The following ACYP2 variants were observed in gnomAD, a reference collection of about 807,000 sequenced individuals.
The protein encoded by ACYP2 is acylphosphatase 2.
In ACYP2, 12 loss-of-function variants were observed where a neutral mutation model predicts 11.2. That is an observed-to-expected ratio of 1.08 (90% CI 0.69 to 1.74). The LOEUF (loss-of-function observed/expected upper bound fraction) is 1.74, where lower values mean the gene tolerates loss of function less well. Ranked by LOEUF, ACYP2 falls within the 40% of genes most tolerant of loss-of-function variation. The pLI is 0.00. For missense variants in ACYP2, 134 were observed against 101.9 expected, an observed-to-expected ratio of 1.31 and a Z score of -1.35; for synonymous variants, 43 against 32.2, an observed-to-expected ratio of 1.33 and a Z score of -1.13.
intron 2 of ACYP2, among the ~76,000 whole-genome samples, chr2:54,021,244 A>C (rs1201185506): frequency 6.6e-6 from 1 of 152,224 alleles, no homozygotes; most frequent in African/African-American, 2.4e-5. Context: ...AGAGCAGCTG[A>C]CCATGGGTGA....
intron 2 of ACYP2, among the ~76,000 whole-genome samples, chr2:54,032,854 C>T (rs891022076): frequency 7.2e-5 from 11 of 152,048 alleles, no homozygotes; most frequent in African/African-American, 2.7e-4. Context: ...ATTCCATGCT[C>T]GTGGATAAAA....
At chr2:54,004,711 G>C (rs1399339906) in intron 2 of ACYP2, among the ~76,000 whole-genome samples, 2 of 151,822 alleles carry the variant, frequency 1.3e-5, no homozygotes, top group Non-Finnish European at 2.9e-5. Flanking sequence ...CGCTCAGCCA[G>C]TTTACCCATT....
At chr2:54,001,194 G>GA (rs565869884) in intron 2 of ACYP2, among the ~76,000 whole-genome samples, 277 of 152,126 alleles carry the variant, frequency 1.8e-3, no homozygotes, top group African/African-American at 6.1e-3. Context: ...TGTCTCTCCA[G>GA]AAAATTTAAG....
chr2:53,999,529 GC>G (rs1344076450), intron 2 of ACYP2, among the ~76,000 whole-genome samples: 1 of 152,138 alleles, frequency 6.6e-6, no homozygotes, highest in African/African-American at 2.4e-5. Context: ...GAATGTTCTA[GC>G]CCCTTTGGGT....
At chr2:54,207,946 C>G (rs1183317840) in intron 6 of ACYP2, among the ~76,000 whole-genome samples, 2 of 152,160 alleles carry the variant, frequency 1.3e-5, no homozygotes, top group Non-Finnish European at 2.9e-5. Flanking sequence ...GAAGGTCAAA[C>G]AACTTCTCAT....
chr2:54,240,568 G>T (rs1686688605), intron 6 of ACYP2, among the ~76,000 whole-genome samples: 1 of 152,092 alleles, frequency 6.6e-6, no homozygotes, highest in Non-Finnish European at 1.5e-5. Context: ...CCAACTTTTA[G>T]TTTTCCCATT....
intron 6 of ACYP2, among the ~76,000 whole-genome samples, chr2:54,252,122 T>C (rs910296385): frequency 2.0e-5 from 3 of 152,204 alleles, no homozygotes; most frequent in African/African-American, 7.2e-5. Flanking sequence ...TCTACCACCA[T>C]AGATTAGTTT....
chr2:54,242,311 A>G (rs572416815), intron 6 of ACYP2, among the ~76,000 whole-genome samples: 4 of 152,354 alleles, frequency 2.6e-5, no homozygotes, highest in African/African-American at 9.6e-5. Flanking sequence ...TTGAGAATTA[A>G]GTAATCCTGA....
intron 6 of ACYP2, among the ~76,000 whole-genome samples, chr2:54,291,698 G>C (rs1255090257): frequency 1.3e-5 from 2 of 152,214 alleles, no homozygotes; most frequent in Non-Finnish European, 2.9e-5. Context: ...TGAAGATCTA[G>C]CCCATGTGGC....
At chr2:54,063,529 T>C (rs1235420558) in intron 4 of ACYP2, among the ~76,000 whole-genome samples, 1 of 152,202 alleles carries the variant, frequency 6.6e-6, no homozygotes, top group Non-Finnish European at 1.5e-5. Context: ...AGCAGGAGAC[T>C]GGGTGGTGGG....
intron 2 of ACYP2, chr2:53,973,886 T>TGTGA (rs1671316258): frequency 7.6e-6 from 1 of 132,070 alleles, no homozygotes; most frequent in Admixed American, 8.4e-5. Context: ...TGTGTGTGTG[T>TGTGA]GTGTGTGTGT....
intron 4 of ACYP2, among the ~76,000 whole-genome samples, chr2:54,095,111 G>A (rs901051577): frequency 5.9e-5 from 9 of 151,580 alleles, no homozygotes; most frequent in Non-Finnish European, 1.3e-4. Context: ...CTGCCTTCAA[G>A]CATCTGTTTA....
At chr2:54,006,290 G>A (rs1673059451) in intron 2 of ACYP2, among the ~76,000 whole-genome samples, 1 of 152,108 alleles carries the variant, frequency 6.6e-6, no homozygotes, top group African/African-American at 2.4e-5. Context: ...TGGGATTACA[G>A]GGTCCTGCTA....
At chr2:54,110,267 T>G (rs185037464) in intron 4 of ACYP2, among the ~76,000 whole-genome samples, 407 of 152,286 alleles carry the variant, frequency 2.7e-3, no homozygotes, top group African/African-American at 8.8e-3. Context: ...CCCTGAGGAT[T>G]TTAAATCAAG....
chr2:54,050,420 G>T (rs140169961), intron 2 of ACYP2, among the ~76,000 whole-genome samples: 1 of 151,604 alleles, frequency 6.6e-6, no homozygotes, highest in Non-Finnish European at 1.5e-5. Context: ...GTGGTGGCAC[G>T]TGCCTGTAGT....
intron 2 of ACYP2, among the ~76,000 whole-genome samples, chr2:53,978,550 A>C (rs1027975772): frequency 6.6e-6 from 1 of 152,158 alleles, no homozygotes; most frequent in Admixed American, 6.6e-5. Flanking sequence ...GTTTGTGGTG[A>C]TGCTGATGTG....
At chr2:54,219,903 A>AT (rs1240349827) in intron 6 of ACYP2, among the ~76,000 whole-genome samples, 8 of 100,448 alleles carry the variant, frequency 8.0e-5, no homozygotes, top group East Asian at 3.2e-4. Flanking sequence ...ATATATATAT[A>AT]TATTTTTTTT....
At chr2:54,287,480 C>G (rs542822081) in intron 6 of ACYP2, among the ~76,000 whole-genome samples, 4 of 151,924 alleles carry the variant, frequency 2.6e-5, no homozygotes, top group Non-Finnish European at 5.9e-5. Flanking sequence ...CATGGGCCAG[C>G]CTTAGTGACT....
chr2:54,153,168 C>G (rs1456157777), intron 6 of ACYP2, among the ~76,000 whole-genome samples: 2 of 151,900 alleles, frequency 1.3e-5, no homozygotes, highest in African/African-American at 2.4e-5. Flanking sequence ...ACATAAGGGT[C>G]AAATCTCACT....
Sources: allele counts gnomAD v4.1 joint callset (sites outside exome capture counted in the v4.1 genomes callset), GRCh38; gene constraint gnomAD v4.1.1; transcripts MANE v1.5; gene names NCBI Gene and HGNC (gene_info 2026-07-23, HGNC 2026-07-21).